Variants in PCSK2 observed in about 807,000 individuals in gnomAD.
The protein encoded by PCSK2 is proprotein convertase subtilisin/kexin type 2.
PCSK2 carries 14 observed loss-of-function variants against 69.7 expected under a neutral mutation model. The ratio of observed to expected loss-of-function variants is 0.20; its 90% confidence interval spans 0.13 to 0.31. The LOEUF is 0.31. Ranked by LOEUF, PCSK2 falls within the 10% of genes least tolerant of loss-of-function variation. The pLI is 1.00. For synonymous variants in PCSK2, 307 were observed against 320.7 expected (o/e 0.96, Z 0.46); for missense variants, 544 against 842.5 (o/e 0.65, Z 4.39).
chr20:17,328,644 AG>A (rs986520030), intron 2 of PCSK2, among the ~76,000 whole-genome samples: 1 of 152,150 alleles, frequency 6.6e-6, no homozygotes, highest in Non-Finnish European at 1.5e-5. Flanking sequence ...AGAGGAGAGG[AG>A]GACACAAGTT....
At chr20:17,348,856 A>G (rs1428960405) in intron 2 of PCSK2, among the ~76,000 whole-genome samples, 3 of 152,168 alleles carry the variant, frequency 2.0e-5, no homozygotes, top group African/African-American at 7.2e-5. Flanking sequence ...CTATCTTCAA[A>G]TGCAACCTCA....
At chr20:17,405,932 T>C (rs905369718) in intron 5 of PCSK2, among the ~76,000 whole-genome samples, 2 of 152,206 alleles carry the variant, frequency 1.3e-5, no homozygotes, top group African/African-American at 4.8e-5. Flanking sequence ...ATTCAAGTTC[T>C]TAATGATGAC....
chr20:17,412,229 G>C (rs1037514603), intron 6 of PCSK2, among the ~76,000 whole-genome samples: 5 of 151,942 alleles, frequency 3.3e-5, no homozygotes, highest in Non-Finnish European at 5.9e-5. Context: ...TAACAAACTT[G>C]TCCAAGCTAA....
chr20:17,464,043 T>C (rs1326762004), intron 10 of PCSK2: 1 of 152,230 alleles, frequency 6.6e-6, no homozygotes, highest in African/African-American at 2.4e-5. Flanking sequence ...ATACTGCTTT[T>C]CTATTCTGTT....
chr20:17,369,669 A>G (rs996208638), intron 5 of PCSK2, among the ~76,000 whole-genome samples: 1 of 152,164 alleles, frequency 6.6e-6, no homozygotes, highest in Non-Finnish European at 1.5e-5. Flanking sequence ...GAAGAAAGAA[A>G]CCTGACATCT....
At chr20:17,371,637 A>G (rs1007763835) in intron 5 of PCSK2, among the ~76,000 whole-genome samples, 1 of 152,134 alleles carries the variant, frequency 6.6e-6, no homozygotes, top group Non-Finnish European at 1.5e-5. Context: ...ATTTTGACAT[A>G]TTTGGGGCCT....
At chr20:17,481,275 G>C (rs1475951128) in intron 11 of PCSK2, among the ~76,000 whole-genome samples, 1 of 151,696 alleles carries the variant, frequency 6.6e-6, no homozygotes, top group East Asian at 1.9e-4. Flanking sequence ...CTGGCTACTG[G>C]GGAGGCTGAG....
chr20:17,388,685 G>C (rs2031298235), intron 5 of PCSK2, among the ~76,000 whole-genome samples: 2 of 152,086 alleles, frequency 1.3e-5, no homozygotes, highest in African/African-American at 2.4e-5. Flanking sequence ...AGTCAGCAGT[G>C]AGCTTAAAGC....
chr20:17,433,813 C>CTCTCTCTCTCTCT lies in PCSK2; in HGVS notation c.710-2895_710-2894insTCTCTCTCTCTCT, dbSNP rs59651477. On this transcript the variant is annotated intron_variant, in intron 7 of 11. Coordinates refer to ENST00000262545, the MANE Select transcript of PCSK2 (RefSeq NM_002594.5). ...TCTCTCTCTCTCTCTCTCTCTCTCT[C>CTCTCTCTCTCTCT]CCCCCACTTCCTTCCCTCCTCCTCC... 3.7e-4 allele frequency among the ~76,000 whole-genome samples: 37 copies of CTCTCTCTCTCTCT among 98,718 alleles called. 1 individual carries two copies. Among genetic ancestry groups the CTCTCTCTCTCTCT allele is most frequent in the Middle Eastern group, 6.0e-3 (1 of 168 alleles). 64.8% of individuals were successfully genotyped at this position (98,718 alleles called of 152,430 possible).
chr20:17,233,691 C>T (rs1414253157), intron 1 of PCSK2, among the ~76,000 whole-genome samples: 2 of 152,156 alleles, frequency 1.3e-5, no homozygotes, highest in African/African-American at 4.8e-5. Flanking sequence ...TAATAGCTTT[C>T]CAACCCCAGT....
At chr20:17,399,994 G>A (rs1417414125) in intron 5 of PCSK2, among the ~76,000 whole-genome samples, 1 of 152,068 alleles carries the variant, frequency 6.6e-6, no homozygotes, top group South Asian at 2.1e-4. Context: ...CATATTTGCT[G>A]GTTTAGGCCT....
chr20:17,254,276 A>G (rs1987097671), intron 1 of PCSK2, among the ~76,000 whole-genome samples: 1 of 152,202 alleles, frequency 6.6e-6, no homozygotes, highest in Non-Finnish European at 1.5e-5. Context: ...GCCTAACCTA[A>G]AGCCATGAAG....
chr20:17,343,765 T>C (rs74876268), intron 2 of PCSK2, among the ~76,000 whole-genome samples: 1,582 of 152,278 alleles, frequency 0.01, 11 homozygotes, highest in African/African-American at 0.024. Context: ...AAATATTTCA[T>C]CCACTGTTGC....
At chr20:17,427,146 G>A (rs1238077426) in intron 6 of PCSK2, among the ~76,000 whole-genome samples, 2 of 152,184 alleles carry the variant, frequency 1.3e-5, no homozygotes, top group Non-Finnish European at 2.9e-5. Flanking sequence ...ATAGGCTGTT[G>A]TGAGGATTTA....
intron 1 of PCSK2, among the ~76,000 whole-genome samples, chr20:17,244,335 C>T (rs1036116554): frequency 6.6e-6 from 1 of 152,196 alleles, no homozygotes. Context: ...AGGTCTCTCC[C>T]TCTATGAAAT....
rs1235768805 is a variant in PCSK2 at position 17,378,638 on chromosome 20, TG to T, written c.543+9363del. Among the ~76,000 whole-genome samples, 342 of 93,878 alleles carry T rather than the reference TG, an allele frequency of 3.6e-3. 1 individual carries two copies. Among genetic ancestry groups the T allele is most frequent in the African/African-American group, 0.014 (322 of 23,632 alleles). 61.6% of individuals were successfully genotyped at this position (93,878 alleles called of 152,430 possible). On this transcript the variant is annotated intron_variant, in intron 5 of 11. Coordinates refer to ENST00000262545, the MANE Select transcript of PCSK2 (RefSeq NM_002594.5). ...ATGGATGGATGGATGGATGGATGGA[TG>T]GATGAATGGATGGATGGATGATTGG... is the stretch of plus-strand genomic sequence containing the variant.
intron 1 of PCSK2, among the ~76,000 whole-genome samples, chr20:17,247,844 A>G (rs1029133162): frequency 6.6e-6 from 1 of 152,224 alleles, no homozygotes; most frequent in Non-Finnish European, 1.5e-5. Flanking sequence ...ATTGGTTGCC[A>G]GTTCCCTGGA....
intron 6 of PCSK2, among the ~76,000 whole-genome samples, chr20:17,417,799 G>A (rs2032033960): frequency 1.3e-5 from 2 of 152,194 alleles, no homozygotes; most frequent in Admixed American, 6.5e-5. Context: ...GCTTGTGGCA[G>A]GAGGGAAGAG....
intron 11 of PCSK2, among the ~76,000 whole-genome samples, chr20:17,479,837 A>G (rs1159038750): frequency 4.0e-5 from 6 of 150,906 alleles, no homozygotes; most frequent in Admixed American, 4.0e-4. Context: ...ATCCACAATG[A>G]CAGTGAAACT....
Sources: allele counts gnomAD v4.1 joint callset (sites outside exome capture counted in the v4.1 genomes callset), GRCh38; gene constraint gnomAD v4.1.1; transcripts MANE v1.5; gene names NCBI Gene and HGNC (gene_info 2026-07-23, HGNC 2026-07-21).